Variants in FAM193A observed in about 807,000 individuals in gnomAD.
FAM193A encodes protein FAM193A.
In FAM193A, 22 loss-of-function variants were observed where a neutral mutation model predicts 126.5. The observed-to-expected ratio is 0.17, with a 90% confidence interval of 0.12 to 0.25. The LOEUF is 0.25. Ranked by LOEUF, FAM193A falls within the 10% of genes least tolerant of loss-of-function variation. The probability of loss-of-function intolerance (pLI) is 1.00; values close to 1 mark genes in which losing one functional copy is unlikely to be tolerated. For missense variants in FAM193A, 1,675 were observed against 1,672.8 expected, an observed-to-expected ratio of 1.00 and a Z score of -0.02; for synonymous variants, 761 against 646.8, an observed-to-expected ratio of 1.18 and a Z score of -2.68.
At chr4:2,681,987 G>T (rs1176583754) in intron 13 of FAM193A, among the ~76,000 whole-genome samples, 2,652 of 121,144 alleles carry the variant, frequency 0.022, 58 homozygotes, top group African/African-American at 0.06. Flanking sequence ...TTTTTTTTTG[G>T]TTTTTTTTTT....
intron 1 of FAM193A, among the ~76,000 whole-genome samples, chr4:2,539,592 A>G (rs1468136867): frequency 1.3e-5 from 2 of 151,828 alleles, no homozygotes; most frequent in East Asian, 3.9e-4. Flanking sequence ...TTTAATATAG[A>G]TACAGGGTCT....
chr4:2,561,759 AGT>A (rs1738629985), intron 1 of FAM193A, among the ~76,000 whole-genome samples: 1 of 152,046 alleles, frequency 6.6e-6, no homozygotes, highest in Admixed American at 6.6e-5. Flanking sequence ...GGCCTCCCAA[AGT>A]GCTGGGATTA....
At chr4:2,579,101 C>T (rs1003647376) in intron 1 of FAM193A, among the ~76,000 whole-genome samples, 2 of 151,860 alleles carry the variant, frequency 1.3e-5, no homozygotes, top group Non-Finnish European at 1.5e-5. Flanking sequence ...TTCAAGCAAT[C>T]CTCCCATCTC....
At chr4:2,679,449 G>C (rs1388713874) in intron 13 of FAM193A, among the ~76,000 whole-genome samples, 12 of 131,972 alleles carry the variant, frequency 9.1e-5, no homozygotes, top group Non-Finnish European at 1.1e-4. Flanking sequence ...GTGTGATCTT[G>C]GCTCACTGCA....
At chr4:2,562,723 G>T (rs1560444811) in intron 1 of FAM193A, among the ~76,000 whole-genome samples, 1 of 149,912 alleles carries the variant, frequency 6.7e-6, no homozygotes, top group South Asian at 2.1e-4. Flanking sequence ...TCCGCCTCCC[G>T]GGTTCAAGCG....
chr4:2,598,451 T>A (rs1352613649), intron 2 of FAM193A, among the ~76,000 whole-genome samples: 1 of 152,232 alleles, frequency 6.6e-6, no homozygotes. Context: ...CCTTTTTATG[T>A]GTTGCTGGAT....
chr4:2,628,304 G>A (rs1459378068), intron 4 of FAM193A, among the ~76,000 whole-genome samples: 3 of 152,194 alleles, frequency 2.0e-5, no homozygotes, highest in Non-Finnish European at 4.4e-5. Flanking sequence ...GGTTTGACCT[G>A]TGAGCCACTG....
chr4:2,714,122 T>A (rs779923331), intron 19 of FAM193A, among the ~76,000 whole-genome samples: 2 of 152,226 alleles, frequency 1.3e-5, no homozygotes. Flanking sequence ...GAACTTCTTG[T>A]GGGCGGCTGC....
chr4:2,696,185 T>C (rs1717012693), intron 17 of FAM193A, 178 bp from the exon 18 acceptor site: 1 of 555,032 alleles, frequency 1.8e-6, no homozygotes, highest in African/African-American at 1.9e-5. Flanking sequence ...AAAATGCCAC[T>C]TTTGGGTGAC....
intron 2 of FAM193A, among the ~76,000 whole-genome samples, chr4:2,619,699 G>T (rs1742424761): frequency 6.7e-6 from 1 of 148,526 alleles, no homozygotes; most frequent in Non-Finnish European, 1.5e-5. Context: ...TTCTTTTATT[G>T]TTTTGAGACA....
chr4:2,726,318 C>T (rs893446231), intron 20 of FAM193A, among the ~76,000 whole-genome samples: 1 of 152,174 alleles, frequency 6.6e-6, no homozygotes, highest in South Asian at 2.1e-4. Context: ...GGATTAGAGG[C>T]GTGAGCCACC....
chr4:2,554,405 A>G (rs1006305357), intron 1 of FAM193A, among the ~76,000 whole-genome samples: 2 of 152,056 alleles, frequency 1.3e-5, no homozygotes, highest in African/African-American at 4.8e-5. Context: ...TCTATTACTG[A>G]ATTTTTGTCT....
chr4:2,720,130 A>G (rs1719971558), intron 20 of FAM193A: 1 of 155,412 alleles, frequency 6.4e-6, no homozygotes, highest in Non-Finnish European at 1.5e-5. Context: ...ACATTAATAT[A>G]TTAAAGAAGA....
At chr4:2,724,591 T>G (rs1720520364) in intron 20 of FAM193A, among the ~76,000 whole-genome samples, 1 of 152,204 alleles carries the variant, frequency 6.6e-6, no homozygotes, top group Non-Finnish European at 1.5e-5. Context: ...GTTCACACCT[T>G]GTAATCCCAG....
chr4:2,552,614 T>G (rs954642648), intron 1 of FAM193A, among the ~76,000 whole-genome samples: 1 of 151,988 alleles, frequency 6.6e-6, no homozygotes, highest in African/African-American at 2.4e-5. Context: ...TTCTGCTCAC[T>G]GCAAGCTCCG....
chr4:2,583,133 T>C (rs1258999999), intron 1 of FAM193A, among the ~76,000 whole-genome samples: 2 of 152,216 alleles, frequency 1.3e-5, no homozygotes, highest in Non-Finnish European at 2.9e-5. Flanking sequence ...CAGCCAATTA[T>C]TGTATTTTCA....
At chr4:2,668,984 A>G (rs1713475880) in intron 12 of FAM193A, among the ~76,000 whole-genome samples, 1 of 152,112 alleles carries the variant, frequency 6.6e-6, no homozygotes, top group Admixed American at 6.5e-5. Flanking sequence ...CTGGGATCAC[A>G]GGCAAGCACC....
chr4:2,711,620 G>A (rs550483250), intron 19 of FAM193A, among the ~76,000 whole-genome samples: 3 of 151,662 alleles, frequency 2.0e-5, no homozygotes, highest in South Asian at 2.1e-4. Context: ...GATTACTGGC[G>A]TGAGCCACCA....
chr4:2,691,261 G>T (rs779505340), intron 15 of FAM193A, among the ~76,000 whole-genome samples: 1 of 152,180 alleles, frequency 6.6e-6, no homozygotes, highest in Non-Finnish European at 1.5e-5. Flanking sequence ...GTTCGCCCAG[G>T]CTGGAGTGCA....
Sources: gnomAD v4.1 joint callset for allele counts (sites outside exome capture counted in the v4.1 genomes callset) on GRCh38, gnomAD v4.1.1 for gene constraint, MANE v1.5 for transcripts, NCBI Gene and HGNC (gene_info 2026-07-23, HGNC 2026-07-21) for gene names.